LITAF: variants seen among roughly 807,000 people sequenced by gnomAD.
The protein encoded by LITAF is lipopolysaccharide induced TNF factor, also known as lipopolysaccharide-induced tumor necrosis factor-alpha factor.
Under a neutral mutation model 14.5 loss-of-function variants are expected in LITAF, and 9 were observed. The observed-to-expected ratio is 0.62, with a 90% CI of 0.37 to 1.08. LITAF has a LOEUF of 1.08. LITAF is among the 50% of genes least tolerant of loss of function. The pLI, the probability that LITAF is intolerant of heterozygous loss-of-function variation, is 0.01. For synonymous variants in LITAF, 98 were observed against 88.2 expected (o/e 1.11, Z -0.62); for missense variants, 206 against 213.4 (o/e 0.97, Z 0.22).
rs761406838 is a variant in LITAF, at chr16:11,549,514, C to T, written c.*123G>A. Reference sequence around the variant, plus strand: ...GCGACGTATTCCCCCCAAAAGAAGACATGAAGGTGGGCCCCCTGGAGAGGT... The same window carrying T: ...GCGACGTATTCCCCCCAAAAGAAGATATGAAGGTGGGCCCCCTGGAGAGGT... On this transcript the variant is annotated 3_prime_UTR_variant, in exon 4 of 4. Coordinates refer to ENST00000622633, the MANE Select transcript of LITAF (RefSeq NM_001136472.2). This position sits in a 1 kb window ranked among gnomAD's most constrained non-coding sequence, Gnocchi z 4.6. 1.1e-5 allele frequency: 8 copies of T among 742,984 alleles called. No homozygotes were observed. In the African/African-American group the frequency reaches 1.2e-4, roughly 11 times the overall value. 46.0% of individuals were successfully genotyped at this position (742,984 alleles called of 1,614,324 possible).
chr16:11,579,516 AAATAAAATAAAATAT>A (rs1334760313), intron 1 of LITAF, among the ~76,000 whole-genome samples: 2 of 115,756 alleles, frequency 1.7e-5, no homozygotes, highest in Admixed American at 8.2e-5. Context: ...AAATAAAATA[AAATAAAATAAAATAT>A]ATCAATGCAA....
intron 3 of LITAF, among the ~76,000 whole-genome samples, chr16:11,613,496 CCCA>C (rs2064996215): frequency 1.3e-5 from 2 of 152,170 alleles, no homozygotes; most frequent in African/African-American, 4.8e-5. Flanking sequence ...TTAGACCTGC[CCCA>C]CCTCGAAGAC....
Position 11,556,514 on chromosome 16 carries a change from G to A in LITAF, c.217C>T (p.Pro73Ser), listed in dbSNP as rs540238627. 154 of 1,612,932 alleles carry A rather than the reference G, an allele frequency of 9.5e-5. 1 individual carries two copies. The South Asian group carries it at 1.6e-3, about 17-fold the overall frequency. ...GGGCCTGGGAGGCCACACGTACTTGGATTGTTATTGGGGATGGGCGCTGGC... is the reference window on the plus strand; with the variant it reads ...GGGCCTGGGAGGCCACACGTACTTGAATTGTTATTGGGGATGGGCGCTGGC... ...TQPAPIPNNN[P>S]ITVQTVYVQH... The change falls in exon 2 of 4, where the codon CCA becomes TCA. Residue 73 changes from proline (P) to serine (S), a missense_variant. Transcript: ENST00000622633.
In LITAF at chr16:11,632,295, C is replaced by T. The variant is rs889906751; in HGVS notation, c.85+1238G>A. On this transcript the variant is annotated intron_variant, in intron 3 of 3. Transcript: ENST00000574848. This position sits in a 1 kb window ranked among gnomAD's most constrained non-coding sequence, Gnocchi z 4.8. ...CCGTGGGGAACAGGATTAGGCAATCCGCTGGCCCCTCCCCACATGGACTGA... is the reference window on the plus strand; with the variant it reads ...CCGTGGGGAACAGGATTAGGCAATCTGCTGGCCCCTCCCCACATGGACTGA... 3.3e-5 allele frequency among the ~76,000 whole-genome samples: 5 copies of T among 152,034 alleles called. No homozygotes were observed. Among genetic ancestry groups the T allele is most frequent in the South Asian group, 2.1e-4 (1 of 4,806 alleles).
chr16:11,554,294 C>A (rs1288156550), intron 2 of LITAF, among the ~76,000 whole-genome samples: 2 of 152,038 alleles, frequency 1.3e-5, no homozygotes, highest in East Asian at 3.9e-4. Context: ...GATAAATAAT[C>A]CACTCTCTTT....
In LITAF at chr16:11,549,137, T is replaced by C. The variant is rs767760361; in HGVS notation, c.*500A>G. The stretch of plus-strand genomic sequence containing the variant: ...GAATCTCAAAGCCAAGCCTGTAAAG[T>C]CTGTAAGGCAAGATCTTTGTCATCA... On this transcript the variant is annotated 3_prime_UTR_variant, in exon 4 of 4. Transcript: ENST00000622633. This position sits in a 1 kb window ranked among gnomAD's most constrained non-coding sequence, Gnocchi z 4.6. 2.2e-4 allele frequency: 102 copies of C among 453,930 alleles called. No individual in the cohort carries two copies. Among genetic ancestry groups the C allele is most frequent in the Non-Finnish European group, 3.8e-4 (86 of 226,788 alleles). 28.1% of individuals were successfully genotyped at this position (453,930 alleles called of 1,614,324 possible).
chr16:11,588,587 AGAAG>A (rs1448780541), upstream of LITAF, among the ~76,000 whole-genome samples: 11 of 137,678 alleles, frequency 8.0e-5, no homozygotes, highest in South Asian at 2.7e-4. Flanking sequence ...AGAGAAGGAA[AGAAG>A]GAAGGGAGGG....
chr16:11,625,374 C>T (rs1261760784), intron 3 of LITAF, among the ~76,000 whole-genome samples: 2 of 151,946 alleles, frequency 1.3e-5, no homozygotes, highest in African/African-American at 4.8e-5. Flanking sequence ...GCAATCCTCC[C>T]ACATCAGCCT....
intron 3 of LITAF, among the ~76,000 whole-genome samples, chr16:11,628,493 T>C (rs529103840): frequency 2.2e-4 from 33 of 152,282 alleles, no homozygotes; most frequent in Admixed American, 3.9e-4. Context: ...GTCTTGACCC[T>C]TTCTATTTTT....
At position 11,611,092 on chromosome 16, in the gene LITAF, A is replaced by T. The variant is rs747022784; in HGVS notation, c.85+22441T>A. On this transcript the variant is annotated intron_variant, in intron 3 of 3. Coordinates refer to the LITAF transcript ENST00000574848. ...AGTACATGGCTAGGCATGGTGGCTC[A>T]TGTCTCAGCACTTTGGGAGGCTGAA... Among the ~76,000 whole-genome samples the T allele has an allele frequency of 3.3e-5, 5 of 152,122 alleles. 1 individual carries two copies. The South Asian group carries it at 1.0e-3, about 32-fold the overall frequency.
At chr16:11,561,813 CCTT>C (rs933948764) in intron 1 of LITAF, among the ~76,000 whole-genome samples, 1 of 143,590 alleles carries the variant, frequency 7.0e-6, no homozygotes, top group African/African-American at 2.5e-5. Flanking sequence ...CCCATCCCCT[CCTT>C]ATCACCCCCC....
chr16:11,577,338 G>A (rs2064655333), intron 1 of LITAF, among the ~76,000 whole-genome samples: 2 of 112,368 alleles, frequency 1.8e-5, no homozygotes, highest in Admixed American at 1.1e-4. Context: ...TTTTTTTTGA[G>A]ACGGAGTCTC....
chr16:11,548,073 C>CA lies in LITAF; in HGVS notation c.*1563dup, dbSNP rs1228638152. 2.2e-6 allele frequency: 1 copy of CA among 453,876 alleles called. No individual in the cohort carries two copies. The highest frequency in any genetic ancestry group is 2.0e-5 in the African/African-American group (1 of 49,964). 28.1% of individuals were successfully genotyped at this position (453,876 alleles called of 1,614,324 possible). A position where few individuals can be genotyped will look rare whatever the true frequency, so the allele number is the denominator to read the frequency against. ...TACTATGTGGTATCCATATTCGTTGCAAAAATGATAATTACTGGAATTTTC... is the reference window on the plus strand; with the variant it reads ...TACTATGTGGTATCCATATTCGTTGCAAAAAATGATAATTACTGGAATTTTC... On this transcript the variant is annotated 3_prime_UTR_variant, in exon 4 of 4. Coordinates refer to ENST00000622633, the MANE Select transcript of LITAF (RefSeq NM_001136472.2).
At chr16:11,631,675 C>T (rs564322005) in intron 3 of LITAF, among the ~76,000 whole-genome samples, 3 of 152,266 alleles carry the variant, frequency 2.0e-5, no homozygotes, top group African/African-American at 7.2e-5. Context: ...CAGGCGTGAG[C>T]CATGGTGCCC....
chr16:11,639,781 G>C (rs951816291), upstream of LITAF, among the ~76,000 whole-genome samples: 4 of 152,114 alleles, frequency 2.6e-5, no homozygotes, highest in Non-Finnish European at 4.4e-5. Context: ...GATCACTTGA[G>C]GTCAGGAGTT....
At chr16:11,640,135 C>T (rs1160558129), upstream of LITAF, among the ~76,000 whole-genome samples, 6 of 152,162 alleles carry the variant, frequency 3.9e-5, no homozygotes, top group Non-Finnish European at 8.8e-5. Context: ...AAGGGAGGTC[C>T]ACTCTGCCAG....
rs141765963 is a variant in LITAF at position 11,634,353 on chromosome 16, C to G, written c.-20-716G>C. On this transcript the variant is annotated intron_variant, in intron 2 of 3. Transcript: ENST00000574848. The surrounding 1 kb of genome is among the most constrained non-coding windows in gnomAD (Gnocchi z 4.1). The stretch of plus-strand genomic sequence containing the variant: ...AGTGTACAGTTTAATGATAATGATT[C>G]CCTTCCCCAAAACTCAACCGCCTTT... Among the ~76,000 whole-genome samples, 403 of 152,228 alleles carry G rather than the reference C, an allele frequency of 2.6e-3. 3 individuals carry two copies. Among genetic ancestry groups the G allele is most frequent in the African/African-American group, 9.4e-3 (391 of 41,540 alleles).
At chr16:11,575,088 C>A (rs2064609792) in intron 1 of LITAF, among the ~76,000 whole-genome samples, 1 of 152,188 alleles carries the variant, frequency 6.6e-6, no homozygotes, top group African/African-American at 2.4e-5. Flanking sequence ...CAGGCGTGAG[C>A]CACTGCACCC....
In LITAF at chr16:11,552,098, G is replaced by A. The variant is rs11860018; in HGVS notation, c.377+1435C>T. On this transcript the variant is annotated intron_variant, in intron 3 of 3. Transcript: ENST00000622633. Reference sequence around the variant, plus strand: ...GACTCTGAGCCTCTTATTGAAGTTAGGAAGAGAAATATTGTTCCTTCTCAA... The same window carrying A: ...GACTCTGAGCCTCTTATTGAAGTTAAGAAGAGAAATATTGTTCCTTCTCAA... Among the ~76,000 whole-genome samples, 2,782 of 152,164 alleles carry A rather than the reference G, an allele frequency of 0.018. 73 individuals carry two copies. The highest frequency in any genetic ancestry group is 0.059 in the African/African-American group (2,458 of 41,518).
Sources: gnomAD v4.1 joint callset for allele counts (sites outside exome capture counted in the v4.1 genomes callset) on GRCh38, gnomAD v4.1.1 for gene constraint, Gnocchi (gnomAD v3.1) non-coding constraint, MANE v1.5 for transcripts, NCBI Gene and HGNC (gene_info 2026-07-23, HGNC 2026-07-21) for gene names.